The following LGALS2 variants were observed in gnomAD, a reference collection of about 807,000 sequenced individuals.
LGALS2 encodes galectin 2.
In LGALS2, 7 loss-of-function variants were observed where a neutral mutation model predicts 10.1. The observed-to-expected ratio is 0.70, with a 90% CI of 0.40 to 1.31. The LOEUF is 1.31. Among genes scored for constraint, LGALS2 ranks in the 50% most tolerant of loss-of-function variants. The pLI, the probability that LGALS2 is intolerant of heterozygous loss-of-function variation, is 0.01. For synonymous variants in LGALS2, 86 were observed against 64.2 expected (o/e 1.34, Z -1.63); for missense variants, 167 against 163.6 (o/e 1.02, Z -0.11).
In LGALS2 at chr22:37,570,320, C is replaced by G. The variant is rs778330631; in HGVS notation, c.342G>C (p.Leu114=). 6.2e-7 allele frequency: 1 copy of G among 1,614,044 alleles called. No homozygotes were observed. The highest frequency in any genetic ancestry group is 1.1e-5 in the South Asian group (1 of 91,078). Residue 114 remains leucine, a synonymous_variant, in exon 4 of 4, where the codon CTG becomes CTC. Transcript: ENST00000215886. ...TFPNRLGHSH[L]SYLSVRGGFN... Reference sequence around the variant, plus strand: ...ACCCGCCCCTTACGCTCAGGTAGCTCAGGTGGCTGTGACCCAGCCTGTTGG... The same window carrying G: ...ACCCGCCCCTTACGCTCAGGTAGCTGAGGTGGCTGTGACCCAGCCTGTTGG...
At chr22:37,573,800 G>T (rs73420307) in intron 1 of LGALS2, among the ~76,000 whole-genome samples, 11,435 of 151,320 alleles carry the variant, frequency 0.076, 1,064 homozygotes, top group African/African-American at 0.22. Flanking sequence ...GTGCGATCTC[G>T]ACTCACTGCA....
At chr22:37,573,850 C>G (rs1925579290) in intron 1 of LGALS2, among the ~76,000 whole-genome samples, 1 of 151,972 alleles carries the variant, frequency 6.6e-6, no homozygotes, top group Non-Finnish European at 1.5e-5. Flanking sequence ...CCTGCCTCAG[C>G]CTCCCGAGTA....
At chr22:37,572,830 G>A (rs150250277) in intron 1 of LGALS2, among the ~76,000 whole-genome samples, 5 of 149,402 alleles carry the variant, frequency 3.3e-5, no homozygotes, top group African/African-American at 7.5e-5. Flanking sequence ...AATTATCTGC[G>A]CATGGTGGCG....
intron 1 of LGALS2, among the ~76,000 whole-genome samples, chr22:37,577,053 G>T (rs968688596): frequency 6.6e-6 from 1 of 152,196 alleles, no homozygotes; most frequent in African/African-American, 2.4e-5. Flanking sequence ...TGGCAGAGGG[G>T]CCTGGGGCCA....
In LGALS2 at chr22:37,571,954, C is replaced by T. The variant is rs1925511991; in HGVS notation, c.7-23G>A. 2.5e-6 allele frequency: 4 copies of T among 1,590,264 alleles called. No homozygotes were observed. In the East Asian group the frequency reaches 8.9e-5, roughly 36 times the overall value. ...CCCCTGGGCCAACAGAGAAACATTC[C>T]ACTCGAGTCCCCACAGAAAATCAAT... On this transcript the variant is annotated intron_variant, in intron 1 of 3. Transcript: ENST00000215886.
intron 1 of LGALS2, chr22:37,578,940 A>C (rs1339664413): frequency 6.6e-6 from 1 of 152,264 alleles, no homozygotes; most frequent in Non-Finnish European, 1.5e-5. Context: ...ATACAAAATT[A>C]ATCGGGTGTG....
At chr22:37,571,961 G>A (rs1246788747) in intron 1 of LGALS2, 30 bp from the exon 2 acceptor site, 2 of 1,577,796 alleles carry the variant, frequency 1.3e-6, no homozygotes, top group African/African-American at 1.3e-5. Flanking sequence ...TTCCACTCGA[G>A]TCCCCACAGA....
rs1445153750 is a variant in LGALS2 at position 37,570,659 on chromosome 22, C to T, written c.166G>A (p.Val56Ile). The part of the protein sequence containing the change: ...FNPRFSESTI[V>I]CNSLDGSNWG... ...TTGCTGCCGTCCAATGAGTTGCAGA[C>T]AATGGTGGATTCGCTGAAGCGAGGG... The change falls in exon 3 of 4, where the codon GTC (valine) becomes ATC (isoleucine). Residue 56 changes from valine (V) to isoleucine (I), a missense_variant. Val to Ile is a conservative substitution (Grantham distance 29, BLOSUM62 3). Transcript: ENST00000215886. 2 of 1,614,240 alleles carry T rather than the reference C, an allele frequency of 1.2e-6. No homozygotes were observed. Among genetic ancestry groups the T allele is most frequent in the Admixed American group, 1.7e-5 (1 of 60,026 alleles).
At chr22:37,576,257 C>T (rs1438151526) in intron 1 of LGALS2, among the ~76,000 whole-genome samples, 2 of 151,928 alleles carry the variant, frequency 1.3e-5, no homozygotes, top group East Asian at 3.9e-4. Flanking sequence ...GTGAGATCAT[C>T]CTGGCTAACA....
intron 1 of LGALS2, 24 bp downstream of exon 1, chr22:37,579,876 G>C (rs1266634698): frequency 6.2e-7 from 1 of 1,607,052 alleles, no homozygotes. Flanking sequence ...AGTGGGGCAG[G>C]CAGCAGGGGG....
intron 1 of LGALS2, among the ~76,000 whole-genome samples, chr22:37,574,666 C>T (rs1320212010): frequency 2.6e-5 from 4 of 151,992 alleles, no homozygotes; most frequent in Non-Finnish European, 5.9e-5. Context: ...TTTTTATTTC[C>T]AGAAAAAGCA....
intron 1 of LGALS2, among the ~76,000 whole-genome samples, chr22:37,574,182 G>A (rs5756736): frequency 0.5 from 76,456 of 151,896 alleles, 20,362 homozygotes; most frequent in Non-Finnish European, 0.58. Flanking sequence ...CTAGCCTCAC[G>A]ATGGTTACTA....
chr22:37,574,669 A>G (rs1925614547), intron 1 of LGALS2, among the ~76,000 whole-genome samples: 1 of 152,072 alleles, frequency 6.6e-6, no homozygotes, highest in Admixed American at 6.6e-5. Flanking sequence ...TTATTTCCAG[A>G]AAAAGCATGA....
At chr22:37,575,905 G>A (rs1290844802) in intron 1 of LGALS2, among the ~76,000 whole-genome samples, 1 of 152,276 alleles carries the variant, frequency 6.6e-6, no homozygotes, top group South Asian at 2.1e-4. Flanking sequence ...GCATTTCTTT[G>A]TTGGGGTCTG....
At chr22:37,576,550 C>G (rs1925688893) in intron 1 of LGALS2, among the ~76,000 whole-genome samples, 1 of 151,816 alleles carries the variant, frequency 6.6e-6, no homozygotes, top group Non-Finnish European at 1.5e-5. Flanking sequence ...AAAAGGGGCT[C>G]AAACAAGAAA....
At chr22:37,575,008 G>A (rs748372084) in intron 1 of LGALS2, among the ~76,000 whole-genome samples, 3 of 150,082 alleles carry the variant, frequency 2.0e-5, no homozygotes, top group Non-Finnish European at 4.4e-5. Flanking sequence ...TCAGCCTCCC[G>A]AGTCACTGAG....
At chr22:37,571,251 G>A (rs866124984) in intron 2 of LGALS2, among the ~76,000 whole-genome samples, 1 of 152,186 alleles carries the variant, frequency 6.6e-6, no homozygotes, top group African/African-American at 2.4e-5. Context: ...ACCCAAGTAG[G>A]AGAAATAAGT....
chr22:37,570,832 A>G (rs1043231983), intron 2 of LGALS2, 97 bp from the exon 3 acceptor site: 45 of 1,367,924 alleles, frequency 3.3e-5, no homozygotes, highest in Non-Finnish European at 4.2e-5. Flanking sequence ...TGGAAGAATC[A>G]AAGCTTGTGT....
At chr22:37,574,922 A>C (rs1601460782) in intron 1 of LGALS2, among the ~76,000 whole-genome samples, 1 of 146,714 alleles carries the variant, frequency 6.8e-6, no homozygotes, top group Non-Finnish European at 1.5e-5. Context: ...TCACTCTGTC[A>C]CCCATGCTGG....
Sources: gnomAD v4.1 joint callset for allele counts (sites outside exome capture counted in the v4.1 genomes callset) on GRCh38, gnomAD v4.1.1 for gene constraint, MANE v1.5 for transcripts, NCBI Gene and HGNC (gene_info 2026-07-23, HGNC 2026-07-21) for gene names.